Variants in CTNNA2 observed in about 807,000 individuals in gnomAD.
CTNNA2 encodes the protein catenin alpha 2.
In CTNNA2, 42 loss-of-function variants were observed where a neutral mutation model predicts 101.0. That is an observed-to-expected ratio of 0.42 (90% CI 0.32 to 0.54). CTNNA2 has a LOEUF of 0.54. Among genes scored for constraint, CTNNA2 ranks in the 20% least tolerant of loss-of-function variants. The pLI is 0.14. For missense variants in CTNNA2, 871 were observed against 1,223.1 expected (o/e 0.71, Z 4.29); for synonymous variants, 450 against 456.4 (o/e 0.99, Z 0.18).
At chr2:79,939,820 T>C (rs1228698653) in intron 7 of CTNNA2, among the ~76,000 whole-genome samples, 1 of 152,028 alleles carries the variant, frequency 6.6e-6, no homozygotes, top group Non-Finnish European at 1.5e-5. Context: ...CGGCTGGGCA[T>C]GGTGACTCAT....
intron 9 of CTNNA2, among the ~76,000 whole-genome samples, chr2:80,444,972 C>T (rs1193543617): frequency 1.3e-5 from 2 of 152,070 alleles, no homozygotes; most frequent in Admixed American, 6.6e-5. Flanking sequence ...GTTATGACAA[C>T]CAAAAATATA....
At chr2:80,128,729 C>T (rs1286581385) in intron 7 of CTNNA2, among the ~76,000 whole-genome samples, 2 of 152,056 alleles carry the variant, frequency 1.3e-5, no homozygotes, top group Non-Finnish European at 2.9e-5. Flanking sequence ...GAGATTGTGT[C>T]TTTTGATATT....
chr2:79,196,606 C>A (rs772946440), intron 1 of CTNNA2, among the ~76,000 whole-genome samples: 3 of 152,106 alleles, frequency 2.0e-5, no homozygotes, highest in African/African-American at 7.2e-5. Flanking sequence ...CCCAGGGGTA[C>A]CTTATACTTA....
At chr2:80,450,752 A>G (rs1449139019) in intron 9 of CTNNA2, among the ~76,000 whole-genome samples, 2 of 152,204 alleles carry the variant, frequency 1.3e-5, no homozygotes, top group African/African-American at 4.8e-5. Flanking sequence ...AAAGTAATCA[A>G]AGTCTTCTTC....
chr2:79,978,238 A>C (rs1174094627), intron 7 of CTNNA2, among the ~76,000 whole-genome samples: 2 of 152,146 alleles, frequency 1.3e-5, no homozygotes, highest in Non-Finnish European at 2.9e-5. Context: ...TTTGTCTTGC[A>C]CGGATTACTT....
At chr2:80,275,700 C>CAGAG (rs1276650771) in intron 7 of CTNNA2, among the ~76,000 whole-genome samples, 1 of 151,528 alleles carries the variant, frequency 6.6e-6, no homozygotes, top group Non-Finnish European at 1.5e-5. Flanking sequence ...AAGAATTTTT[C>CAGAG]AGAGAGAGAG....
At chr2:80,061,031 C>G (rs889555411) in intron 7 of CTNNA2, among the ~76,000 whole-genome samples, 1 of 152,120 alleles carries the variant, frequency 6.6e-6, no homozygotes. Context: ...ACATCCTAAG[C>G]TCTCCCTCTG....
chr2:79,448,484 A>AG (rs1678856615), intron 4 of CTNNA2, among the ~76,000 whole-genome samples: 1 of 152,070 alleles, frequency 6.6e-6, no homozygotes, highest in Non-Finnish European at 1.5e-5. Flanking sequence ...AAAATAATTC[A>AG]GGTAAATACA....
intron 7 of CTNNA2, among the ~76,000 whole-genome samples, chr2:80,228,150 A>G (rs1197141369): frequency 6.6e-6 from 1 of 152,206 alleles, no homozygotes; most frequent in African/African-American, 2.4e-5. Flanking sequence ...TTTTGTTGTC[A>G]GTAAGACTGG....
intron 7 of CTNNA2, among the ~76,000 whole-genome samples, chr2:80,319,551 G>C (rs1678479687): frequency 6.6e-6 from 1 of 152,312 alleles, no homozygotes; most frequent in African/African-American, 2.4e-5. Flanking sequence ...ACAAAGTACT[G>C]TTTACTTTGA....
intron 4 of CTNNA2, among the ~76,000 whole-genome samples, chr2:79,447,800 A>C (rs1281349356): frequency 1.3e-5 from 2 of 152,046 alleles, no homozygotes; most frequent in Non-Finnish European, 2.9e-5. Context: ...GTACATTTGA[A>C]TCTAAATTGA....
At chr2:79,616,832 C>G (rs1678651738) in intron 1 of CTNNA2, among the ~76,000 whole-genome samples, 1 of 152,044 alleles carries the variant, frequency 6.6e-6, no homozygotes, top group Admixed American at 6.6e-5. Flanking sequence ...AATTTGCAAC[C>G]ATTAATCCTT....
chr2:79,402,551 A>T (rs1678301233), intron 4 of CTNNA2, among the ~76,000 whole-genome samples: 1 of 151,828 alleles, frequency 6.6e-6, no homozygotes, highest in Non-Finnish European at 1.5e-5. Flanking sequence ...CAATTATAAC[A>T]ATATATTGTA....
At chr2:79,428,799 T>C (rs1678619735) in intron 4 of CTNNA2, among the ~76,000 whole-genome samples, 1 of 152,160 alleles carries the variant, frequency 6.6e-6, no homozygotes, top group African/African-American at 2.4e-5. Context: ...TCAGCAAATA[T>C]TAACAGTCCC....
rs1316425970 is a variant in CTNNA2, at chr2:79,874,001, T to A, written c.586-75T>A. On this transcript the variant is annotated intron_variant, in intron 5 of 18. Coordinates refer to ENST00000402739, the MANE Select transcript of CTNNA2 (RefSeq NM_001282597.3). ...AGTTCAGTGTGTTACTAAGAGTCTG[T>A]GACTCCAAACTGTGTTGCAAATATT... 7 of 1,562,740 alleles carry A rather than the reference T, an allele frequency of 4.5e-6. No homozygotes were observed. The East Asian group carries it at 1.6e-4, about 36-fold the overall frequency.
At chr2:79,922,649 T>C (rs1686749089) in intron 7 of CTNNA2, among the ~76,000 whole-genome samples, 1 of 151,600 alleles carries the variant, frequency 6.6e-6, no homozygotes, top group African/African-American at 2.4e-5. Context: ...TTACTTTTTT[T>C]TTTTTTTTTA....
intron 3 of CTNNA2, among the ~76,000 whole-genome samples, chr2:79,330,684 G>A (rs1374376706): frequency 6.6e-6 from 1 of 152,162 alleles, no homozygotes; most frequent in Non-Finnish European, 1.5e-5. Context: ...TCGCATGATA[G>A]TGAATAACTA....
At chr2:79,606,117 A>G (rs1286309699) in intron 1 of CTNNA2, among the ~76,000 whole-genome samples, 1 of 152,216 alleles carries the variant, frequency 6.6e-6, no homozygotes, top group Non-Finnish European at 1.5e-5. Context: ...CCATTACAAA[A>G]ACAGTATTCA....
chr2:80,137,312 T>G (rs1431958725), intron 7 of CTNNA2, among the ~76,000 whole-genome samples: 1 of 152,100 alleles, frequency 6.6e-6, no homozygotes, highest in Non-Finnish European at 1.5e-5. Context: ...GCAATTGAAT[T>G]TGGCTCAGTA....
Sources: allele counts gnomAD v4.1 joint callset (sites outside exome capture counted in the v4.1 genomes callset), GRCh38; gene constraint gnomAD v4.1.1; transcripts MANE v1.5; gene names NCBI Gene and HGNC (gene_info 2026-07-23, HGNC 2026-07-21).